The following KBTBD11 variants were observed in gnomAD, a reference collection of about 807,000 sequenced individuals.
The protein encoded by KBTBD11 is kelch repeat and BTB domain-containing protein 11.
For synonymous variants in KBTBD11, 747 were observed against 499.0 expected (o/e 1.50, Z -6.63); for missense variants, 1,390 against 1,001.8 (o/e 1.39, Z -5.23).
At position 2,001,381 on chromosome 8, in the gene KBTBD11, C is replaced by T; in HGVS notation, c.189C>T (p.Thr63=). ...SLASAAEGAA[T]SPPSSGGPRV... ...CCTCAGCGGCGGAAGGCGCGGCCAC[C>T]TCCCCGCCCTCCAGCGGTGGCCCGC... Residue 63 remains threonine, a synonymous_variant, in exon 2 of 2, where the codon ACC becomes ACT. Transcript: ENST00000320248. 3 of 1,456,724 alleles carry T rather than the reference C, an allele frequency of 2.1e-6. No homozygotes were observed. Among genetic ancestry groups the T allele is most frequent in the Non-Finnish European group, 1.8e-6 (2 of 1,107,630 alleles). 90.2% of individuals were successfully genotyped at this position (1,456,724 alleles called of 1,614,324 possible).
intron 1 of KBTBD11, among the ~76,000 whole-genome samples, chr8:1,999,263 C>T (rs1265685214): frequency 6.6e-6 from 1 of 152,118 alleles, no homozygotes; most frequent in Admixed American, 6.6e-5. Context: ...ACAGGAAGAG[C>T]AGGGAATTTA....
intron 1 of KBTBD11, among the ~76,000 whole-genome samples, chr8:1,990,925 CGG>C (rs1357539584): frequency 2.5e-4 from 1 of 4,000 alleles, no homozygotes. Context: ...GCGCCCTGTC[CGG>C]GTAGATGCTG....
intron 1 of KBTBD11, among the ~76,000 whole-genome samples, chr8:1,994,971 A>G (rs2129314303): frequency 6.6e-6 from 1 of 151,542 alleles, no homozygotes; most frequent in African/African-American, 2.4e-5. Context: ...AGGCAGGAGA[A>G]TCCCTTGAAC....
At chr8:1,980,168 A>G (rs1338885170) in intron 1 of KBTBD11, among the ~76,000 whole-genome samples, 1 of 152,102 alleles carries the variant, frequency 6.6e-6, no homozygotes, top group Non-Finnish European at 1.5e-5. Flanking sequence ...ATATTGAGAT[A>G]AGAAGATAGA....
At chr8:1,983,688 G>A (rs1453539177) in intron 1 of KBTBD11, among the ~76,000 whole-genome samples, 4 of 152,108 alleles carry the variant, frequency 2.6e-5, no homozygotes, top group Non-Finnish European at 5.9e-5. Context: ...TAGGACCTGG[G>A]GCAGTCTTGT....
chr8:2,006,257 C>T lies in KBTBD11; in HGVS notation c.*3193C>T, dbSNP rs78007257. ...AGTCTCTTAGGTAACTTCCTGTAAA[C>T]GATTTGGAAATAGGATGTTTTCAAC... is the stretch of plus-strand genomic sequence containing the variant. On this transcript the variant is annotated 3_prime_UTR_variant, in exon 2 of 2. Transcript: ENST00000320248. 1.8e-5 allele frequency: 3 copies of T among 167,140 alleles called. No individual in the cohort carries two copies. The highest frequency in any genetic ancestry group is 2.9e-5 in the Non-Finnish European group (2 of 68,106). The allele number at this position is 167,140 out of a possible 1,614,324, so 10.4% of individuals were successfully genotyped here.
In KBTBD11 at chr8:1,987,513, C is replaced by G. The variant is rs556192572; in HGVS notation, c.-908-12772C>G. On this transcript the variant is annotated intron_variant, in intron 1 of 1. Coordinates refer to ENST00000320248, the MANE Select transcript of KBTBD11 (RefSeq NM_014867.3). ...CAGATCCCATTGTGGTCAAGGTGACCGGGCCCTTGTGCTGCCCCCACCAGA... is the reference window on the plus strand; with the variant it reads ...CAGATCCCATTGTGGTCAAGGTGACGGGGCCCTTGTGCTGCCCCCACCAGA... Among the ~76,000 whole-genome samples, 84 of 152,212 alleles carry G rather than the reference C, an allele frequency of 5.5e-4. 1 individual carries two copies. The highest frequency in any genetic ancestry group is 1.8e-3 in the African/African-American group (75 of 41,532).
At position 2,004,648 on chromosome 8, in the gene KBTBD11, T is replaced by G. The variant is rs1218260511; in HGVS notation, c.*1584T>G. On this transcript the variant is annotated 3_prime_UTR_variant, in exon 2 of 2. Coordinates refer to ENST00000320248, the MANE Select transcript of KBTBD11 (RefSeq NM_014867.3). ...ATGACTCGGGGGCTGGAATTTATGA[T>G]CTGGGTTACGGTATGTTCTGGGGAC... 1.8e-5 allele frequency: 3 copies of G among 167,070 alleles called. No individual in the cohort carries two copies. The highest frequency in any genetic ancestry group is 4.4e-5 in the Non-Finnish European group (3 of 68,144). The allele number at this position is 167,070 out of a possible 1,614,324, so 10.3% of individuals were successfully genotyped here.
chr8:1,999,366 A>C (rs1268365630), intron 1 of KBTBD11, among the ~76,000 whole-genome samples: 2 of 152,208 alleles, frequency 1.3e-5, no homozygotes, highest in Non-Finnish European at 2.9e-5. Flanking sequence ...TTGAGAGCTG[A>C]ACACGCATTC....
At position 2,003,371 on chromosome 8, in the gene KBTBD11, GGCAGCCT is replaced by G; in HGVS notation, c.*314_*320del. 3.4e-6 allele frequency: 1 copy of G among 290,744 alleles called. No individual in the cohort carries two copies. Among genetic ancestry groups the G allele is most frequent in the Non-Finnish European group, 6.5e-6 (1 of 152,776 alleles). 18.0% of individuals were successfully genotyped at this position (290,744 alleles called of 1,614,324 possible). ...CTCAGGGTACAGTGGGGGTTCCTGA[GGCAGCCT>G]GCAGCCGGCCCCGGGGTGTCCCGAA... On this transcript the variant is annotated 3_prime_UTR_variant, in exon 2 of 2. Transcript: ENST00000320248.
At chr8:1,985,173 G>A (rs181271108) in intron 1 of KBTBD11, among the ~76,000 whole-genome samples, 190 of 152,338 alleles carry the variant, frequency 1.2e-3, no homozygotes, top group African/African-American at 4.4e-3. Flanking sequence ...GCCGATGGCC[G>A]AATGCAGGTG....
intron 1 of KBTBD11, among the ~76,000 whole-genome samples, chr8:1,993,039 A>C (rs1276306481): frequency 6.6e-6 from 1 of 152,116 alleles, no homozygotes; most frequent in African/African-American, 2.4e-5. Flanking sequence ...TCCCGGGCTC[A>C]AGTGATCCTC....
intron 1 of KBTBD11, chr8:1,974,762 C>T: frequency 1.1e-6 from 1 of 931,990 alleles, no homozygotes; most frequent in African/African-American, 1.8e-5. Context: ...GAGGGTGAAC[C>T]AAAGTCCCTC....
At chr8:1,985,948 C>A (rs1221236539) in intron 1 of KBTBD11, among the ~76,000 whole-genome samples, 1 of 152,252 alleles carries the variant, frequency 6.6e-6, no homozygotes, top group Admixed American at 6.5e-5. Flanking sequence ...GTTTTGCATC[C>A]ACACTCCCGC....
intron 1 of KBTBD11, among the ~76,000 whole-genome samples, chr8:1,999,410 G>C (rs1259198698): frequency 1.3e-5 from 2 of 152,220 alleles, no homozygotes; most frequent in Non-Finnish European, 2.9e-5. Context: ...GTTTTGGATG[G>C]TTGTGTTGTC....
chr8:1,974,073 G>C, intron 1 of KBTBD11, 138 bp downstream of exon 1: 2 of 574,986 alleles, frequency 3.5e-6, no homozygotes, highest in Non-Finnish European at 4.3e-6. Context: ...AAAAGGGGAG[G>C]CCGGCAGGGG....
chr8:2,003,146 G>C lies in KBTBD11; in HGVS notation c.*82G>C. The C allele has an allele frequency of 1.6e-6, 2 of 1,247,170 alleles. No homozygotes were observed. The highest frequency in any genetic ancestry group is 7.9e-5 in the South Asian group (2 of 25,400). 77.3% of individuals were successfully genotyped at this position (1,247,170 alleles called of 1,614,324 possible). On this transcript the variant is annotated 3_prime_UTR_variant, in exon 2 of 2. Transcript: ENST00000320248. ...TTGGGCCCGCGGAGGAGGACGTGGT[G>C]GGGAGTCGGGGCCGCTGGCCACGCT...
At chr8:1,979,663 G>A (rs935510717) in intron 1 of KBTBD11, among the ~76,000 whole-genome samples, 20 of 152,202 alleles carry the variant, frequency 1.3e-4, no homozygotes, top group Non-Finnish European at 2.1e-4. Flanking sequence ...TTTGGACTGT[G>A]ATTGACTAAA....
intron 1 of KBTBD11, among the ~76,000 whole-genome samples, chr8:1,991,350 C>T (rs928502077): frequency 6.6e-6 from 1 of 152,226 alleles, no homozygotes; most frequent in Admixed American, 6.5e-5. Flanking sequence ...GGATGGGAAT[C>T]CCCGCACGCT....
Sources: allele counts gnomAD v4.1 joint callset (sites outside exome capture counted in the v4.1 genomes callset), GRCh38; gene constraint gnomAD v4.1.1; transcripts MANE v1.5; gene names NCBI Gene and HGNC (gene_info 2026-07-23, HGNC 2026-07-21).